The following PDE7B variants were observed in gnomAD, a reference collection of about 807,000 sequenced individuals.
PDE7B encodes phosphodiesterase 7B.
Under a neutral mutation model 56.2 loss-of-function variants are expected in PDE7B, and 29 were observed. That is an observed-to-expected ratio of 0.52 (90% CI 0.38 to 0.70). PDE7B has a LOEUF of 0.70. PDE7B is among the 30% of genes least tolerant of loss of function. PDE7B has a pLI of 0.00. For missense variants in PDE7B, 490 were observed against 565.0 expected, an observed-to-expected ratio of 0.87 and a Z score of 1.35; for synonymous variants, 197 against 196.9, an observed-to-expected ratio of 1.00 and a Z score of 0.00.
rs1019601612 is a variant in PDE7B, at chr6:135,906,030, T to C, written c.22-41434T>C. ...GAAAACTTCAGCCCGGTTTTTTCAA[T>C]TGGACGCTGCTGTTTCAAAAGTACA... On this transcript the variant is annotated intron_variant, in intron 1 of 12. Coordinates refer to ENST00000308191, the MANE Select transcript of PDE7B (RefSeq NM_018945.4). Among the ~76,000 whole-genome samples, 6 of 152,276 alleles carry C rather than the reference T, an allele frequency of 3.9e-5. No homozygotes were observed. In the South Asian group the frequency reaches 8.3e-4, roughly 21 times the overall value.
chr6:135,886,270 T>C (rs1775708059), intron 1 of PDE7B, among the ~76,000 whole-genome samples: 1 of 152,132 alleles, frequency 6.6e-6, no homozygotes, highest in Admixed American at 6.6e-5. Flanking sequence ...CATGCAGGTG[T>C]GCAAGAAGCC....
intron 8 of PDE7B, among the ~76,000 whole-genome samples, chr6:136,171,781 TC>T (rs1424903713): frequency 3.1e-5 from 3 of 98,350 alleles, no homozygotes; most frequent in African/African-American, 4.1e-5. Flanking sequence ...AAGCTATCCC[TC>T]CCCCCTCCCC....
chr6:135,895,815 G>A (rs768519878), intron 1 of PDE7B, among the ~76,000 whole-genome samples: 4 of 152,000 alleles, frequency 2.6e-5, no homozygotes, highest in Non-Finnish European at 4.4e-5. Context: ...AGGCAGAAAG[G>A]GAAAAGAATA....
chr6:136,098,345 A>T (rs1195522215), intron 2 of PDE7B, among the ~76,000 whole-genome samples: 2 of 152,158 alleles, frequency 1.3e-5, no homozygotes. Context: ...TGAAAAGAGC[A>T]TTATTAATTT....
chr6:135,856,485 G>A lies in PDE7B; in HGVS notation c.21+4466G>A, dbSNP rs183712087. ...AAACCTGTTGATAACTAAGTTGAGG[G>A]AACCTTCAGAAGAAAGTTTTGGTGA... On this transcript the variant is annotated intron_variant, in intron 1 of 12. Coordinates refer to ENST00000308191, the MANE Select transcript of PDE7B (RefSeq NM_018945.4). Among the ~76,000 whole-genome samples the A allele has an allele frequency of 3.5e-3, 527 of 152,316 alleles. 3 individuals carry two copies. The highest frequency in any genetic ancestry group is 5.8e-3 in the Non-Finnish European group (394 of 68,030).
At chr6:136,092,984 G>A (rs1777414491) in intron 2 of PDE7B, among the ~76,000 whole-genome samples, 1 of 152,156 alleles carries the variant, frequency 6.6e-6, no homozygotes. Context: ...GGTGATGGAT[G>A]CATTTATTAG....
intron 2 of PDE7B, chr6:135,993,042 A>G (rs1775502092): frequency 6.6e-6 from 1 of 152,118 alleles, no homozygotes; most frequent in African/African-American, 2.4e-5. Flanking sequence ...TCCTATCATC[A>G]CGCCCAGTTG....
chr6:135,893,375 A>G (rs924920541), intron 1 of PDE7B, among the ~76,000 whole-genome samples: 4 of 151,972 alleles, frequency 2.6e-5, no homozygotes, highest in Admixed American at 2.0e-4. Context: ...AGCTTCATCC[A>G]TGTCCCTACA....
chr6:136,137,713 G>C (rs112342889), intron 3 of PDE7B, among the ~76,000 whole-genome samples: 48 of 152,114 alleles, frequency 3.2e-4, no homozygotes, highest in African/African-American at 1.1e-3. Context: ...CCCCTATACA[G>C]AGACTATTCC....
At chr6:136,152,040 C>G (rs994559256) in intron 6 of PDE7B, among the ~76,000 whole-genome samples, 1 of 152,164 alleles carries the variant, frequency 6.6e-6, no homozygotes, top group African/African-American at 2.4e-5. Context: ...TCCTTGTCAT[C>G]TTCACACTGA....
At chr6:136,002,846 T>C (rs1260862370) in intron 2 of PDE7B, among the ~76,000 whole-genome samples, 20 of 152,062 alleles carry the variant, frequency 1.3e-4, no homozygotes, top group Middle Eastern at 3.4e-3. Flanking sequence ...CTGCACCAAG[T>C]GGACCTAATA....
intron 8 of PDE7B, among the ~76,000 whole-genome samples, chr6:136,156,336 C>T (rs867114616): frequency 6.6e-6 from 1 of 152,042 alleles, no homozygotes; most frequent in Admixed American, 6.6e-5. Flanking sequence ...ACTACAGGCA[C>T]GTGCCGCCAC....
intron 1 of PDE7B, among the ~76,000 whole-genome samples, chr6:135,864,595 T>C (rs1392715347): frequency 6.6e-6 from 1 of 152,144 alleles, no homozygotes; most frequent in Non-Finnish European, 1.5e-5. Flanking sequence ...CCATTTCCTC[T>C]GTTTGTAGCC....
chr6:136,177,210 C>G (rs1242783683), intron 9 of PDE7B, among the ~76,000 whole-genome samples: 1 of 151,938 alleles, frequency 6.6e-6, no homozygotes, highest in Non-Finnish European at 1.5e-5. Context: ...TGCCTGTAAT[C>G]CTAGCACTTT....
chr6:135,980,078 G>A (rs1775267943), intron 2 of PDE7B, among the ~76,000 whole-genome samples: 1 of 152,070 alleles, frequency 6.6e-6, no homozygotes. Context: ...GCATGGTACT[G>A]GTACCAAAAC....
Position 136,150,215 on chromosome 6 carries a change from A to T in PDE7B, c.383-945A>T, listed in dbSNP as rs1778486350. Among the ~76,000 whole-genome samples, 4 of 152,226 alleles carry T rather than the reference A, an allele frequency of 2.6e-5. No individual in the cohort carries two copies. In the South Asian group the frequency reaches 8.3e-4, roughly 32 times the overall value. On this transcript the variant is annotated intron_variant, in intron 5 of 12. Coordinates refer to ENST00000308191, the MANE Select transcript of PDE7B (RefSeq NM_018945.4). ...CACAAGTATATGAAGTATATACCAC[A>T]CATATCTAAGAAATGCTGAAATTGA...
At chr6:135,864,711 T>A (rs902166997) in intron 1 of PDE7B, among the ~76,000 whole-genome samples, 1 of 152,198 alleles carries the variant, frequency 6.6e-6, no homozygotes, top group African/African-American at 2.4e-5. Flanking sequence ...TGTGTCGTGA[T>A]ATTGTTTAAC....
At chr6:135,886,866 C>T (rs540171695) in intron 1 of PDE7B, among the ~76,000 whole-genome samples, 6 of 152,198 alleles carry the variant, frequency 3.9e-5, no homozygotes, top group African/African-American at 1.4e-4. Flanking sequence ...GACTTCTTTT[C>T]CTTTGGGTAG....
chr6:136,128,936 C>CAA (rs1778069158), intron 3 of PDE7B, among the ~76,000 whole-genome samples: 1 of 152,182 alleles, frequency 6.6e-6, no homozygotes, highest in Admixed American at 6.5e-5. Flanking sequence ...GATAGAACCC[C>CAA]AAGCTTTAGA....
Sources: gnomAD v4.1 joint callset for allele counts (sites outside exome capture counted in the v4.1 genomes callset) on GRCh38, gnomAD v4.1.1 for gene constraint, MANE v1.5 for transcripts, NCBI Gene and HGNC (gene_info 2026-07-23, HGNC 2026-07-21) for gene names.